The following MADCAM1 variants were observed in gnomAD, a reference collection of about 807,000 sequenced individuals.
MADCAM1 encodes mucosal vascular addressin cell adhesion molecule 1, also known as mucosal addressin cell adhesion molecule 1.
A neutral mutation model predicts 26.1 loss-of-function variants in MADCAM1; 19 were observed. That is an observed-to-expected ratio of 0.73 (90% CI 0.51 to 1.07). The LOEUF (loss-of-function observed/expected upper bound fraction) is 1.07. Among genes scored for constraint, MADCAM1 ranks in the 50% least tolerant of loss-of-function variants. The pLI, the probability that MADCAM1 is intolerant of heterozygous loss-of-function variation, is 0.00. For missense variants in MADCAM1, 514 were observed against 542.1 expected (o/e 0.95, Z 0.51); for synonymous variants, 268 against 260.9 (o/e 1.03, Z -0.26).
At chr19:498,455 T>A in intron 2 of MADCAM1, 41 bp from the exon 3 acceptor site, 1 of 1,433,568 alleles carries the variant, frequency 7.0e-7, no homozygotes, top group Non-Finnish European at 9.1e-7. Flanking sequence ...CGTCCAGCCC[T>A]GACTCTGGGC....
chr19:504,974 C>A lies in MADCAM1; in HGVS notation c.*9C>A, dbSNP rs529852754. Reference sequence around the variant, plus strand: ...GGATCAGCCCCTCCTGAGTGGCCAGCCTTTCCCCCTGTGAAAGCAAAATAG... The same window carrying A: ...GGATCAGCCCCTCCTGAGTGGCCAGACTTTCCCCCTGTGAAAGCAAAATAG... On this transcript the variant is annotated 3_prime_UTR_variant, in exon 5 of 5. Transcript: ENST00000215637. The A allele has an allele frequency of 1.9e-6, 3 of 1,572,586 alleles. No individual in the cohort carries two copies. Among genetic ancestry groups the A allele is most frequent in the East Asian group, 4.6e-5 (2 of 43,766 alleles).
chr19:497,775 G>C, intron 1 of MADCAM1, 58 bp from the exon 2 acceptor site: 1 of 1,218,346 alleles, frequency 8.2e-7, no homozygotes, highest in South Asian at 3.4e-5. Context: ...ACGCAGGGCC[G>C]GTGGCGGGGC....
intron 4 of MADCAM1, among the ~76,000 whole-genome samples, chr19:504,535 G>A (rs138520445): frequency 1.3e-5 from 2 of 152,286 alleles, no homozygotes; most frequent in African/African-American, 4.8e-5. Flanking sequence ...TGGGATTTCA[G>A]GCGTGAGCCA....
At position 497,893 on chromosome 19, in the gene MADCAM1, C is replaced by T; in HGVS notation, c.113C>T (p.Ala38Val). The T allele has an allele frequency of 2.2e-6, 3 of 1,364,352 alleles. No individual in the cohort carries two copies. The highest frequency in any genetic ancestry group is 2.8e-6 in the Non-Finnish European group (3 of 1,066,144). 84.5% of individuals were successfully genotyped at this position (1,364,352 alleles called of 1,614,324 possible). A position where few individuals can be genotyped will look rare whatever the true frequency, so the allele number is the denominator to read the frequency against. ...CCCCCGGAGCCGGTGGTGGCCGTGGCCTTGGGCGCCTCGCGCCAGCTCACC... is the reference window on the plus strand; with the variant it reads ...CCCCCGGAGCCGGTGGTGGCCGTGGTCTTGGGCGCCTCGCGCCAGCTCACC... ...VEPPEPVVAV[A>V]LGASRQLTCR... Residue 38 changes from alanine to valine, a missense_variant, in exon 2 of 5, where the codon GCC (alanine) becomes GTC (valine). Ala to Val is a moderately conservative substitution (Grantham distance 64, BLOSUM62 0). Coordinates refer to ENST00000215637, the MANE Select transcript of MADCAM1 (RefSeq NM_130760.3).
chr19:498,669 G>T lies in MADCAM1; in HGVS notation c.511G>T (p.Glu171Ter), dbSNP rs776454553. Residue 171 changes from glutamate (E) to a stop codon, truncating the protein, a stop_gained, in exon 3 of 5, where the codon GAG (glutamate) becomes TAG (stop). Transcript: ENST00000215637. LOFTEE classifies it high-confidence loss of function. The stretch of plus-strand genomic sequence containing the variant: ...AGCCCTGGGCCCGGAGGTGCAGGAG[G>T]AGGAGGAGGAGCCCCAGGGGGACGA... The part of the protein sequence containing the change: ...AQALGPEVQE[E>*]EEEPQGDEDV... The T allele has an allele frequency of 1.4e-6, 2 of 1,453,636 alleles. No homozygotes were observed. Among genetic ancestry groups the T allele is most frequent in the Non-Finnish European group, 1.8e-6 (2 of 1,107,352 alleles). The allele number at this position is 1,453,636 out of a possible 1,614,324, so 90.0% of individuals were successfully genotyped here.
At chr19:503,124 T>C (rs1978419468) in intron 4 of MADCAM1, among the ~76,000 whole-genome samples, 1 of 152,228 alleles carries the variant, frequency 6.6e-6, no homozygotes. Context: ...TATTATTTTA[T>C]TTGTAAATCA....
At chr19:503,318 A>T (rs937947607) in intron 4 of MADCAM1, among the ~76,000 whole-genome samples, 6 of 149,144 alleles carry the variant, frequency 4.0e-5, no homozygotes, top group Non-Finnish European at 7.4e-5. Flanking sequence ...ACGGTGGCTT[A>T]TGCCTGTAAT....
At chr19:500,738 T>C (rs758240016) in intron 3 of MADCAM1, among the ~76,000 whole-genome samples, 21 of 151,992 alleles carry the variant, frequency 1.4e-4, no homozygotes, top group Admixed American at 2.0e-4. Context: ...GGCGTGGTGG[T>C]GAGCGCCTGT....
At chr19:497,563 G>A (rs1978291589) in intron 1 of MADCAM1, among the ~76,000 whole-genome samples, 1 of 151,684 alleles carries the variant, frequency 6.6e-6, no homozygotes, top group South Asian at 2.1e-4. Flanking sequence ...GGGAAGTTGC[G>A]GGGCTCCGCG....
intron 4 of MADCAM1, 136 bp from the exon 5 acceptor site, chr19:504,609 A>G: frequency 1.5e-6 from 1 of 657,222 alleles, no homozygotes; most frequent in Non-Finnish European, 2.7e-6. Context: ...CAAAAGGGTC[A>G]TGGTAAAGTC....
chr19:496,610 G>A (rs1471448665), intron 1 of MADCAM1, 59 bp downstream of exon 1: 15 of 1,126,152 alleles, frequency 1.3e-5, no homozygotes, highest in Non-Finnish European at 1.3e-5. Context: ...TCAGGAGAGA[G>A]GAGGGGGCTC....
chr19:498,254 G>A, intron 2 of MADCAM1, 137 bp downstream of exon 2: 2 of 978,698 alleles, frequency 2.0e-6, no homozygotes, highest in Non-Finnish European at 2.7e-6. Flanking sequence ...CCAGGTCCCC[G>A]GCCTTCGCTT....
chr19:498,433 GC>G, intron 2 of MADCAM1, 62 bp from the exon 3 acceptor site: 1 of 1,403,938 alleles, frequency 7.1e-7, no homozygotes, highest in Non-Finnish European at 9.2e-7. Flanking sequence ...CCGGGCTCCG[GC>G]CCCTCCATCA....
chr19:505,190 ACCTTT>A lies in MADCAM1; in HGVS notation c.*227_*231del, dbSNP rs1177283146. On this transcript the variant is annotated 3_prime_UTR_variant, in exon 5 of 5. Transcript: ENST00000215637. ...TGAAGCCCCTCCCTGAGTGGTCCCC[ACCTTT>A]CTGGACGGAACCACGTACTTTTTAC... 1 of 461,284 alleles carries A rather than the reference ACCTTT, an allele frequency of 2.2e-6. No homozygotes were observed. The highest frequency in any genetic ancestry group is 3.8e-6 in the Non-Finnish European group (1 of 259,978). The allele number at this position is 461,284 out of a possible 1,614,324, so 28.6% of individuals were successfully genotyped here.
intron 1 of MADCAM1, among the ~76,000 whole-genome samples, chr19:497,342 A>G (rs1600383346): frequency 2.4e-5 from 1 of 42,076 alleles, no homozygotes; most frequent in Admixed American, 3.3e-4. Context: ...GGCCCGGGAG[A>G]GGGGAGGGGG....
Position 501,824 on chromosome 19 carries a change from C to T in MADCAM1, c.823C>T (p.Gln275Ter), listed in dbSNP as rs762606364. 1.4e-6 allele frequency: 2 copies of T among 1,408,432 alleles called. No individual in the cohort carries two copies. Among genetic ancestry groups the T allele is most frequent in the African/African-American group, 3.3e-5 (2 of 60,282 alleles). 87.2% of individuals were successfully genotyped at this position (1,408,432 alleles called of 1,614,324 possible). A position where few individuals can be genotyped will look rare whatever the true frequency, so the allele number is the denominator to read the frequency against. The change falls in exon 4 of 5, where the codon CAG becomes TAG. Residue 275 changes from glutamine (Q) to a stop codon, truncating the protein, a stop_gained. Transcript: ENST00000215637. LOFTEE classifies it high-confidence loss of function. The part of the protein sequence containing the change: ...PDKTSPEPAP[Q>*]QGSTHTPRSP... ...CAAGACCTCCCCGGAGCCCGCCCCC[C>T]AGCAGGGCTCCACACACACCCCCAG... is the stretch of plus-strand genomic sequence containing the variant.
Position 498,702 on chromosome 19 carries a change from C to A in MADCAM1, c.544C>A (p.Leu182Met). ...EEEPQGDEDV[L>M]FRVTERWRLP... is the part of the protein sequence containing the mutation. ...GGAGCCCCAGGGGGACGAGGACGTG[C>A]TGTTCAGGGTGACAGAGCGCTGGCG... is the stretch of plus-strand genomic sequence containing the variant. The change falls in exon 3 of 5, where the codon CTG (leucine) becomes ATG (methionine). Residue 182 changes from leucine (L) to methionine (M), a missense_variant. Coordinates refer to ENST00000215637, the MANE Select transcript of MADCAM1 (RefSeq NM_130760.3). 6.9e-7 allele frequency: 1 copy of A among 1,450,184 alleles called. No homozygotes were observed. The highest frequency in any genetic ancestry group is 9.0e-7 in the Non-Finnish European group (1 of 1,105,434). 89.8% of individuals were successfully genotyped at this position (1,450,184 alleles called of 1,614,324 possible). A position where few individuals can be genotyped will look rare whatever the true frequency, so the allele number is the denominator to read the frequency against.
chr19:503,369 C>T (rs937896660), intron 4 of MADCAM1, among the ~76,000 whole-genome samples: 1 of 150,948 alleles, frequency 6.6e-6, no homozygotes, highest in Non-Finnish European at 1.5e-5. Flanking sequence ...ATCACGAGGT[C>T]AGGAGATCGA....
chr19:504,586 G>C (rs1978518218), intron 4 of MADCAM1, among the ~76,000 whole-genome samples, 159 bp from the exon 5 acceptor site: 1 of 152,132 alleles, frequency 6.6e-6, no homozygotes, highest in South Asian at 2.1e-4. Flanking sequence ...ACTCTAAGGT[G>C]CTATGCGCAT....
Sources: allele counts gnomAD v4.1 joint callset (sites outside exome capture counted in the v4.1 genomes callset), GRCh38; gene constraint gnomAD v4.1.1; transcripts MANE v1.5; gene names NCBI Gene and HGNC (gene_info 2026-07-23, HGNC 2026-07-21).